The following ADAM7 variants were observed in gnomAD, a reference collection of about 807,000 sequenced individuals.
ADAM7 encodes ADAM metallopeptidase domain 7, also known as disintegrin and metalloproteinase domain-containing protein 7.
ADAM7 carries 97 observed loss-of-function variants against 102.9 expected under a neutral mutation model. The ratio of observed to expected loss-of-function variants is 0.94; its 90% CI spans 0.80 to 1.12. The LOEUF is 1.12. Among genes scored for constraint, ADAM7 ranks in the 50% most tolerant of loss-of-function variants. The pLI, the probability that ADAM7 is intolerant of heterozygous loss-of-function variation, is 0.00. For synonymous variants in ADAM7, 334 were observed against 304.4 expected, an observed-to-expected ratio of 1.10 and a Z score of -1.01; for missense variants, 991 against 908.7, an observed-to-expected ratio of 1.09 and a Z score of -1.16.
chr8:24,474,594 A>T (rs936680535), intron 7 of ADAM7, among the ~76,000 whole-genome samples: 5 of 152,138 alleles, frequency 3.3e-5, no homozygotes, highest in Non-Finnish European at 7.4e-5. Context: ...ATAGCCAAAT[A>T]AAAAAAGCAG....
At chr8:24,499,161 C>T in intron 16 of ADAM7, 75 bp from the exon 17 acceptor site, 1 of 1,139,746 alleles carries the variant, frequency 8.8e-7, no homozygotes, top group Non-Finnish European at 1.2e-6. Flanking sequence ...GTGCACTTCA[C>T]ATGCATTACA....
At position 24,487,269 on chromosome 8, in the gene ADAM7, TC is replaced by T; in HGVS notation, c.1046del (p.Pro349HisfsTer10). The part of the protein sequence containing the change: ...GHNLGMQHDE[F>X]PCTCPSGKCV... ...AACCTTGGGATGCAGCATGACGAGT[TC>T]CCATGCACCTGTCCTTCAGGAAAAT... On this transcript the variant is annotated frameshift_variant, in exon 11 of 22. Coordinates refer to ENST00000175238, the MANE Select transcript of ADAM7 (RefSeq NM_003817.4). LOFTEE classifies it high-confidence loss of function. 6.2e-7 allele frequency: 1 copy of T among 1,613,900 alleles called. No individual in the cohort carries two copies. The highest frequency in any genetic ancestry group is 8.5e-7 in the Non-Finnish European group (1 of 1,179,874).
At chr8:24,478,502 T>A (rs749348089) in intron 8 of ADAM7, among the ~76,000 whole-genome samples, 2 of 152,198 alleles carry the variant, frequency 1.3e-5, no homozygotes, top group Middle Eastern at 3.2e-3. Context: ...TTATCTTTGT[T>A]CTGTTTCATA....
At chr8:24,504,340 C>T (rs531279438) in intron 20 of ADAM7, among the ~76,000 whole-genome samples, 1 of 152,068 alleles carries the variant, frequency 6.6e-6, no homozygotes, top group Non-Finnish European at 1.5e-5. Flanking sequence ...TGCATTCCAA[C>T]CTGGGCTACA....
At chr8:24,483,934 G>A (rs887597934) in intron 9 of ADAM7, among the ~76,000 whole-genome samples, 7 of 152,142 alleles carry the variant, frequency 4.6e-5, no homozygotes, top group African/African-American at 1.2e-4. Context: ...GGGGTGAAAT[G>A]CTACTAAATA....
rs188382429 is a variant in ADAM7 at position 24,443,406 on chromosome 8, G to C, written c.156+830G>C. On this transcript the variant is annotated intron_variant, in intron 2 of 21. Transcript: ENST00000175238. The stretch of plus-strand genomic sequence containing the variant: ...CTGAGATCTGTTTCCTATGGCTTGA[G>C]ATGATTAAAATAAAAAGCAACTCTC... Among the ~76,000 whole-genome samples, 13 of 152,178 alleles carry C rather than the reference G, an allele frequency of 8.5e-5. No individual in the cohort carries two copies. The East Asian group carries it at 2.5e-3, about 29-fold the overall frequency.
intron 17 of ADAM7, 85 bp from the exon 18 acceptor site, chr8:24,500,093 A>G: frequency 8.4e-7 from 1 of 1,184,772 alleles, no homozygotes; most frequent in Non-Finnish European, 1.2e-6. Flanking sequence ...TGTATGTTTG[A>G]TGTAGAGGTA....
intron 9 of ADAM7, among the ~76,000 whole-genome samples, chr8:24,482,818 A>T (rs1473523646): frequency 6.6e-6 from 1 of 152,216 alleles, no homozygotes; most frequent in East Asian, 1.9e-4. Flanking sequence ...TTAATACTAG[A>T]AAAGAAAAAA....
At chr8:24,486,105 T>C (rs764979596) in intron 10 of ADAM7, among the ~76,000 whole-genome samples, 8 of 152,202 alleles carry the variant, frequency 5.3e-5, no homozygotes, top group Non-Finnish European at 7.3e-5. Context: ...TGATATATGC[T>C]GTTAGATTAT....
At chr8:24,500,058 A>C (rs1820701886) in intron 17 of ADAM7, 120 bp from the exon 18 acceptor site, 1 of 697,648 alleles carries the variant, frequency 1.4e-6, no homozygotes, top group Non-Finnish European at 2.2e-6. Context: ...AACGAATAAA[A>C]AGTTCGCGCT....
intron 2 of ADAM7, among the ~76,000 whole-genome samples, chr8:24,443,202 G>A (rs955882891): frequency 6.6e-6 from 1 of 152,046 alleles, no homozygotes; most frequent in African/African-American, 2.4e-5. Flanking sequence ...TAAGCCTTAG[G>A]TTTTAATTGG....
chr8:24,466,492 T>C (rs1272938707), intron 5 of ADAM7, among the ~76,000 whole-genome samples: 2 of 152,186 alleles, frequency 1.3e-5, no homozygotes, highest in African/African-American at 4.8e-5. Flanking sequence ...ACTCACATAA[T>C]TTTTGCAATA....
At chr8:24,448,500 A>G (rs1455999845) in intron 3 of ADAM7, among the ~76,000 whole-genome samples, 1 of 152,160 alleles carries the variant, frequency 6.6e-6, no homozygotes, top group African/African-American at 2.4e-5. Context: ...AATTTAGTGC[A>G]TACCACAGAG....
intron 8 of ADAM7, among the ~76,000 whole-genome samples, chr8:24,477,214 C>G (rs180853007): frequency 6.6e-6 from 1 of 152,176 alleles, no homozygotes; most frequent in South Asian, 2.1e-4. Flanking sequence ...TTGTAAATAA[C>G]GAAGAAGTAG....
chr8:24,487,227 C>T lies in ADAM7; in HGVS notation c.1001C>T (p.Ala334Val). 1 of 1,613,806 alleles carries T rather than the reference C, an allele frequency of 6.2e-7. No homozygotes were observed. Among genetic ancestry groups the T allele is most frequent in the Non-Finnish European group, 8.5e-7 (1 of 1,179,800 alleles). Residue 334 changes from alanine (A) to valine (V), a missense_variant, in exon 11 of 22, where the codon GCA becomes GTA. Physicochemically the swap from Ala to Val is moderately conservative, Grantham distance 64 (BLOSUM62 0). Coordinates refer to ENST00000175238, the MANE Select transcript of ADAM7 (RefSeq NM_003817.4). ...ACAAACATAATTGCAAACAGAATGG[C>T]ACATCAACTGGGGCATAACCTTGGG... Reference protein sequence around the residue: ...PDTNIIANRMAHQLGHNLGMQ... With the variant: ...PDTNIIANRMVHQLGHNLGMQ...
intron 18 of ADAM7, 21 bp downstream of exon 18, chr8:24,500,277 T>C (rs374390586): frequency 1.3e-6 from 2 of 1,591,678 alleles, no homozygotes; most frequent in Non-Finnish European, 1.7e-6. Flanking sequence ...TAAAACAAAA[T>C]CTTTCATATA....
intron 3 of ADAM7, among the ~76,000 whole-genome samples, chr8:24,461,359 C>T (rs1334459511): frequency 1.3e-5 from 2 of 152,088 alleles, no homozygotes; most frequent in Non-Finnish European, 2.9e-5. Flanking sequence ...CACATAGTCT[C>T]TAATGGAATG....
intron 3 of ADAM7, among the ~76,000 whole-genome samples, chr8:24,450,178 T>A (rs954961337): frequency 3.3e-5 from 5 of 152,184 alleles, no homozygotes; most frequent in African/African-American, 1.2e-4. Flanking sequence ...TTTTTCCAAT[T>A]CTGTGAAGAA....
rs1820378115 is a variant in ADAM7 at position 24,492,062 on chromosome 8, A to G, written c.1516A>G (p.Thr506Ala). 1 of 1,613,792 alleles carries G rather than the reference A, an allele frequency of 6.2e-7. No individual in the cohort carries two copies. The highest frequency in any genetic ancestry group is 8.5e-7 in the Non-Finnish European group (1 of 1,179,798). ...CTACTGTTTCATGGGGAAATGTCCA[A>G]CTCGTGAGGATCAGTGCTCTGAACT... is the stretch of plus-strand genomic sequence containing the variant. ...EGYCFMGKCP[T>A]REDQCSELFD... Residue 506 changes from threonine (T) to alanine (A), a missense_variant, in exon 14 of 22, where the codon ACT becomes GCT. By Grantham distance (58) the Thr-to-Ala change is moderately conservative. Transcript: ENST00000175238.
Sources: allele counts gnomAD v4.1 joint callset (sites outside exome capture counted in the v4.1 genomes callset), GRCh38; gene constraint gnomAD v4.1.1; transcripts MANE v1.5; gene names NCBI Gene and HGNC (gene_info 2026-07-23, HGNC 2026-07-21).